The following SLIT3 variants were observed in gnomAD, a reference collection of about 807,000 sequenced individuals.
SLIT3 encodes slit homolog 3 protein.
In SLIT3, 68 loss-of-function variants were observed where a neutral mutation model predicts 184.0. The ratio of observed to expected loss-of-function variants is 0.37; its 90% CI spans 0.30 to 0.45. The LOEUF (loss-of-function observed/expected upper bound fraction) is 0.45, where lower values mean the gene tolerates loss of function less well. Among genes scored for constraint, SLIT3 ranks in the 20% least tolerant of loss-of-function variants. SLIT3 has a pLI of 1.00. For missense variants in SLIT3, 1,707 were observed against 2,026.0 expected, an observed-to-expected ratio of 0.84 and a Z score of 3.02; for synonymous variants, 831 against 828.6, an observed-to-expected ratio of 1.00 and a Z score of -0.05.
intron 11 of SLIT3, among the ~76,000 whole-genome samples, chr5:168,786,601 G>T (rs774927625): frequency 2.6e-5 from 4 of 151,444 alleles, no homozygotes; most frequent in Non-Finnish European, 5.9e-5. Context: ...TTCCAGGAAC[G>T]CAGGAACTCA....
intron 5 of SLIT3, 59 bp downstream of exon 5, chr5:168,883,206 T>G: frequency 7.2e-7 from 1 of 1,396,550 alleles, no homozygotes; most frequent in Non-Finnish European, 1.0e-6. Flanking sequence ...TCACCCTCAC[T>G]CTGGTCAGAG....
At chr5:168,680,659 TCCTGGCCC>T (rs1761558696) in intron 32 of SLIT3, among the ~76,000 whole-genome samples, 1 of 152,112 alleles carries the variant, frequency 6.6e-6, no homozygotes, top group Non-Finnish European at 1.5e-5. Flanking sequence ...TGGACTGGCC[TCCTGGCCC>T]CCTCGGCTGC....
At chr5:169,270,179 GTCA>G (rs1766549605) in intron 1 of SLIT3, among the ~76,000 whole-genome samples, 1 of 152,158 alleles carries the variant, frequency 6.6e-6, no homozygotes, top group South Asian at 2.1e-4. Flanking sequence ...GTGTCCCCAA[GTCA>G]TCCAGCACAC....
intron 9 of SLIT3, among the ~76,000 whole-genome samples, chr5:168,796,504 C>T (rs141327218): frequency 1.7e-3 from 259 of 152,234 alleles, no homozygotes; most frequent in Non-Finnish European, 3.2e-3. Flanking sequence ...CCCTTCTCTC[C>T]GAGGTGCAGG....
rs1324720274 is a variant in SLIT3 at position 169,137,333 on chromosome 5, C to CAGAGAGAG, written c.413+56145_413+56146insCTCTCTCT. ...ACACACACACACACACACACACACA[C>CAGAGAGAG]ACAGAGAGAGAGAGAGAGAGAGAAA... is the stretch of plus-strand genomic sequence containing the variant. On this transcript the variant is annotated intron_variant, in intron 4 of 35. Transcript: ENST00000519560. 5.6e-3 allele frequency among the ~76,000 whole-genome samples: 720 copies of CAGAGAGAG among 129,360 alleles called. 1 individual carries two copies. The highest frequency in any genetic ancestry group is 8.0e-3 in the Non-Finnish European group (497 of 62,080). The allele number at this position is 129,360 out of a possible 152,430, so 84.9% of individuals were successfully genotyped here.
intron 4 of SLIT3, among the ~76,000 whole-genome samples, chr5:168,884,407 G>A (rs1209668446): frequency 2.3e-5 from 2 of 87,460 alleles, no homozygotes; most frequent in African/African-American, 7.5e-5. Context: ...AGATATAAAA[G>A]GTGTCTCTCT....
chr5:168,858,917 G>A (rs1009877800), intron 5 of SLIT3, among the ~76,000 whole-genome samples: 11 of 152,146 alleles, frequency 7.2e-5, no homozygotes, highest in African/African-American at 2.7e-4. Context: ...ATCTACATGT[G>A]AAATGCAAAA....
chr5:169,048,963 G>A (rs1023443334), intron 4 of SLIT3, among the ~76,000 whole-genome samples: 1 of 152,206 alleles, frequency 6.6e-6, no homozygotes, highest in East Asian at 1.9e-4. Flanking sequence ...AGTTGAGAGT[G>A]ACGCCACAAC....
intron 4 of SLIT3, among the ~76,000 whole-genome samples, chr5:169,158,874 CA>C (rs1421735401): frequency 3.9e-5 from 6 of 152,004 alleles, no homozygotes; most frequent in Non-Finnish European, 5.9e-5. Context: ...TCTTGTAACC[CA>C]CAAGAAAACA....
chr5:168,909,467 T>C (rs1761185202), intron 4 of SLIT3, among the ~76,000 whole-genome samples: 1 of 152,192 alleles, frequency 6.6e-6, no homozygotes, highest in Non-Finnish European at 1.5e-5. Flanking sequence ...TTATTTCCAG[T>C]TTAGCATCGC....
At chr5:169,151,494 G>T (rs1441956281) in intron 4 of SLIT3, among the ~76,000 whole-genome samples, 1 of 152,196 alleles carries the variant, frequency 6.6e-6, no homozygotes, top group African/African-American at 2.4e-5. Flanking sequence ...AACCAATGCT[G>T]GGACAGCCCT....
At position 168,666,417 on chromosome 5, in the gene SLIT3, C is replaced by A. The variant is rs1366532036; in HGVS notation, c.*37G>T. On this transcript the variant is annotated 3_prime_UTR_variant, in exon 36 of 36. Coordinates refer to ENST00000519560, the MANE Select transcript of SLIT3 (RefSeq NM_003062.4). ...ACATGGCTGTCCCAACTCCATCAAGCTGGAGTCCGAGAGGTGGCAGGCAGG... is the reference window on the plus strand; with the variant it reads ...ACATGGCTGTCCCAACTCCATCAAGATGGAGTCCGAGAGGTGGCAGGCAGG... 2.0e-6 allele frequency: 3 copies of A among 1,510,606 alleles called. No individual in the cohort carries two copies. Among genetic ancestry groups the A allele is most frequent in the Non-Finnish European group, 2.7e-6 (3 of 1,129,798 alleles). The allele number at this position is 1,510,606 out of a possible 1,614,324, so 93.6% of individuals were successfully genotyped here.
intron 4 of SLIT3, among the ~76,000 whole-genome samples, chr5:169,111,520 G>A (rs1325989904): frequency 6.6e-6 from 1 of 152,206 alleles, no homozygotes; most frequent in African/African-American, 2.4e-5. Context: ...GGGAAGCTGA[G>A]GCAGGCAGAT....
In SLIT3 at chr5:169,098,118, C is replaced by T. The variant is rs295998; in HGVS notation, c.413+95361G>A. Among the ~76,000 whole-genome samples the T allele has an allele frequency of 7.9e-3, 1,207 of 151,894 alleles. 19 individuals carry two copies. The highest frequency in any genetic ancestry group is 0.028 in the African/African-American group (1,146 of 41,292). ...CTTCCCAATGGGTATCCCTGGGCCCCGGCTTGATTTTTTTTGGAAAGCAGG... is the reference window on the plus strand; with the variant it reads ...CTTCCCAATGGGTATCCCTGGGCCCTGGCTTGATTTTTTTTGGAAAGCAGG... On this transcript the variant is annotated intron_variant, in intron 4 of 35. Transcript: ENST00000519560.
intron 20 of SLIT3, among the ~76,000 whole-genome samples, chr5:168,741,068 T>C (rs62378473): frequency 0.016 from 2,402 of 152,290 alleles, 38 homozygotes; most frequent in Non-Finnish European, 0.026. Flanking sequence ...ACGGTGGACA[T>C]GAACTTTTTA....
At chr5:168,905,958 G>A (rs556352793) in intron 4 of SLIT3, among the ~76,000 whole-genome samples, 1 of 152,272 alleles carries the variant, frequency 6.6e-6, no homozygotes, top group East Asian at 1.9e-4. Flanking sequence ...GGAGGTGAAC[G>A]CGAAAGAGAT....
chr5:169,145,760 C>T (rs1170206166), intron 4 of SLIT3, among the ~76,000 whole-genome samples: 6 of 152,182 alleles, frequency 3.9e-5, no homozygotes, highest in Admixed American at 3.9e-4. Context: ...ACAGCTAACA[C>T]ACACTGGCCA....
intron 4 of SLIT3, among the ~76,000 whole-genome samples, chr5:169,085,430 C>T (rs1192698323): frequency 3.9e-5 from 6 of 152,256 alleles, no homozygotes; most frequent in East Asian, 1.9e-4. Flanking sequence ...CCACTGAAAT[C>T]GCTTCAACTA....
chr5:168,802,455 A>AGAG (rs1756801835), intron 9 of SLIT3, among the ~76,000 whole-genome samples: 2 of 152,172 alleles, frequency 1.3e-5, no homozygotes, highest in Non-Finnish European at 2.9e-5. Flanking sequence ...ATTTTATCAC[A>AGAG]GAGGAGGAGG....
Sources: allele counts gnomAD v4.1 joint callset (sites outside exome capture counted in the v4.1 genomes callset), GRCh38; gene constraint gnomAD v4.1.1; transcripts MANE v1.5; gene names NCBI Gene and HGNC (gene_info 2026-07-23, HGNC 2026-07-21).